GALNTL6: variants seen among roughly 807,000 people sequenced by gnomAD.
GALNTL6 encodes polypeptide N-acetylgalactosaminyltransferase like 6.
Under a neutral mutation model 73.7 loss-of-function variants are expected in GALNTL6, and 46 were observed. The observed-to-expected ratio is 0.62, with a 90% CI of 0.49 to 0.80. The LOEUF (loss-of-function observed/expected upper bound fraction) is 0.80. Ranked by LOEUF, GALNTL6 falls within the 30% of genes least tolerant of loss-of-function variation. The pLI, the probability that GALNTL6 is intolerant of heterozygous loss-of-function variation, is 0.00. For synonymous variants in GALNTL6, 259 were observed against 263.7 expected (o/e 0.98, Z 0.17); for missense variants, 604 against 755.0 (o/e 0.80, Z 2.34).
intron 2 of GALNTL6, among the ~76,000 whole-genome samples, chr4:171,827,284 C>A (rs1239600633): frequency 6.6e-6 from 1 of 152,056 alleles, no homozygotes; most frequent in Non-Finnish European, 1.5e-5. Flanking sequence ...ATGGCTGCCA[C>A]TTAATTATTT....
At position 172,797,780 on chromosome 4, in the gene GALNTL6, C is replaced by A. The variant is rs547249058; in HGVS notation, c.554-11581C>A. Reference sequence around the variant, plus strand: ...TCTCGAACTCCTGACCTCAGGTGATCCGCCAGCCTCGACCTCCCAAAGTGC... The same window carrying A: ...TCTCGAACTCCTGACCTCAGGTGATACGCCAGCCTCGACCTCCCAAAGTGC... On this transcript the variant is annotated intron_variant, in intron 5 of 12. Coordinates refer to ENST00000506823, the MANE Select transcript of GALNTL6 (RefSeq NM_001034845.3). Among the ~76,000 whole-genome samples, 4 of 151,462 alleles carry A rather than the reference C, an allele frequency of 2.6e-5. No individual in the cohort carries two copies. The East Asian group carries it at 7.8e-4, about 30-fold the overall frequency.
At chr4:171,841,071 C>T (rs899613201) in intron 2 of GALNTL6, among the ~76,000 whole-genome samples, 1 of 152,248 alleles carries the variant, frequency 6.6e-6, no homozygotes. Context: ...TGGCTGTGAA[C>T]AAAACCTTTT....
At chr4:172,609,674 G>A (rs1441525023) in intron 5 of GALNTL6, among the ~76,000 whole-genome samples, 2 of 97,594 alleles carry the variant, frequency 2.0e-5, no homozygotes, top group Admixed American at 2.1e-4. Flanking sequence ...TGTCTGCCAG[G>A]TTTTGGTATC....
intron 3 of GALNTL6, among the ~76,000 whole-genome samples, chr4:172,279,430 A>T (rs1289426562): frequency 1.3e-5 from 2 of 152,178 alleles, no homozygotes; most frequent in African/African-American, 4.8e-5. Flanking sequence ...TCCAAAGCAG[A>T]TATACAAAAT....
chr4:171,872,610 C>G (rs1294059348), intron 2 of GALNTL6, among the ~76,000 whole-genome samples: 1 of 152,100 alleles, frequency 6.6e-6, no homozygotes, highest in Admixed American at 6.5e-5. Context: ...GAGCCACACT[C>G]CCTTTGGAGG....
intron 12 of GALNTL6, among the ~76,000 whole-genome samples, chr4:173,025,339 G>A (rs1297142766): frequency 6.6e-6 from 1 of 152,174 alleles, no homozygotes; most frequent in Non-Finnish European, 1.5e-5. Context: ...GCATCAAACA[G>A]GAAACTGTCT....
chr4:172,379,339 G>C (rs1223624231), intron 5 of GALNTL6, among the ~76,000 whole-genome samples: 1 of 151,910 alleles, frequency 6.6e-6, no homozygotes, highest in African/African-American at 2.4e-5. Context: ...GACCATCCTG[G>C]CTAACAAGGT....
intron 5 of GALNTL6, among the ~76,000 whole-genome samples, chr4:172,370,335 T>C (rs1300231641): frequency 6.6e-6 from 1 of 152,060 alleles, no homozygotes; most frequent in Non-Finnish European, 1.5e-5. Context: ...AACAGCAAGA[T>C]GGCTGCCACG....
chr4:172,054,234 T>A (rs757718474), intron 2 of GALNTL6, among the ~76,000 whole-genome samples: 1 of 152,134 alleles, frequency 6.6e-6, no homozygotes, highest in East Asian at 1.9e-4. Context: ...ACTTTAGATA[T>A]TAGAACAATT....
chr4:172,373,061 T>C (rs1742881612), intron 5 of GALNTL6, among the ~76,000 whole-genome samples: 1 of 152,232 alleles, frequency 6.6e-6, no homozygotes, highest in South Asian at 2.1e-4. Context: ...GCTTCCGAAC[T>C]GGTAGCCAAG....
At chr4:171,915,212 A>G (rs180719276) in intron 2 of GALNTL6, among the ~76,000 whole-genome samples, 9 of 152,294 alleles carry the variant, frequency 5.9e-5, no homozygotes, top group Non-Finnish European at 1.0e-4. Flanking sequence ...GTAATTAATG[A>G]GCATTGGAAG....
At chr4:172,204,798 T>G (rs555808747) in intron 2 of GALNTL6, among the ~76,000 whole-genome samples, 2 of 152,330 alleles carry the variant, frequency 1.3e-5, no homozygotes, top group South Asian at 4.1e-4. Context: ...GTAGTCATTG[T>G]GCTCCTTTGC....
intron 5 of GALNTL6, among the ~76,000 whole-genome samples, chr4:172,804,924 T>A (rs897666850): frequency 2.6e-5 from 4 of 152,150 alleles, no homozygotes; most frequent in Non-Finnish European, 5.9e-5. Context: ...TTTTGATTTG[T>A]CTCTTTCAAA....
intron 2 of GALNTL6, among the ~76,000 whole-genome samples, chr4:171,854,542 G>A (rs980820720): frequency 9.2e-5 from 14 of 152,176 alleles, no homozygotes; most frequent in Non-Finnish European, 2.1e-4. Context: ...TAGAAAGTAA[G>A]TGAGAGGTAC....
chr4:172,769,097 A>G (rs181023537), intron 5 of GALNTL6, among the ~76,000 whole-genome samples: 1 of 152,172 alleles, frequency 6.6e-6, no homozygotes, highest in African/African-American at 2.4e-5. Flanking sequence ...AACTATAAGT[A>G]TTTTCATGCA....
At chr4:172,321,246 G>A (rs945569161) in intron 4 of GALNTL6, among the ~76,000 whole-genome samples, 16 of 152,110 alleles carry the variant, frequency 1.1e-4, no homozygotes, top group Admixed American at 3.3e-4. Flanking sequence ...TGTGGGGGTT[G>A]GGGGTTGGGG....
At chr4:172,304,716 A>G (rs573238594) in intron 3 of GALNTL6, among the ~76,000 whole-genome samples, 27 of 152,272 alleles carry the variant, frequency 1.8e-4, no homozygotes, top group African/African-American at 5.8e-4. Context: ...ATCTCTCAGT[A>G]TTCCATCTTA....
chr4:171,845,701 C>A (rs569447237), intron 2 of GALNTL6, among the ~76,000 whole-genome samples: 1 of 152,192 alleles, frequency 6.6e-6, no homozygotes, highest in South Asian at 2.1e-4. Context: ...TGGAAGGAGA[C>A]CAAGTCTCCA....
At position 171,922,072 on chromosome 4, in the gene GALNTL6, A is replaced by ATGTG. The variant is rs140433711; in HGVS notation, c.138+107371_138+107374dup. On this transcript the variant is annotated intron_variant, in intron 2 of 12. Transcript: ENST00000506823. ...ATGACAGAAATTATAGTTTCATAGTATGTGTGTGTGTGTGTGTGTGGTGTG... is the reference window on the plus strand; with the variant it reads ...ATGACAGAAATTATAGTTTCATAGTATGTGTGTGTGTGTGTGTGTGTGTGGTGTG... 1.9e-3 allele frequency among the ~76,000 whole-genome samples: 288 copies of ATGTG among 148,722 alleles called. 1 individual carries two copies. The highest frequency in any genetic ancestry group is 5.9e-3 in the African/African-American group (242 of 40,864).
Sources: gnomAD v4.1 joint callset for allele counts (sites outside exome capture counted in the v4.1 genomes callset) on GRCh38, gnomAD v4.1.1 for gene constraint, MANE v1.5 for transcripts, NCBI Gene and HGNC (gene_info 2026-07-23, HGNC 2026-07-21) for gene names.